Variants in MAN2A1 observed in about 807,000 individuals in gnomAD.
The protein encoded by MAN2A1 is alpha-mannosidase 2.
A neutral mutation model predicts 142.6 loss-of-function variants in MAN2A1; 76 were observed. The observed-to-expected ratio is 0.53, with a 90% CI of 0.44 to 0.65. The LOEUF (loss-of-function observed/expected upper bound fraction) is 0.65. Among genes scored for constraint, MAN2A1 ranks in the 30% least tolerant of loss-of-function variants. The pLI is 0.00. For synonymous variants in MAN2A1, 559 were observed against 473.2 expected (o/e 1.18, Z -2.35); for missense variants, 1,311 against 1,365.1 (o/e 0.96, Z 0.62).
Position 109,764,461 on chromosome 5 carries a change from T to C in MAN2A1, c.836-3074T>C, listed in dbSNP as rs532775502. Among the ~76,000 whole-genome samples the C allele has an allele frequency of 6.1e-4, 93 of 152,306 alleles. 1 individual carries two copies. Among genetic ancestry groups the C allele is most frequent in the African/African-American group, 2.2e-3 (91 of 41,582 alleles). ...TTTATAAAATTTTGGATTTTTCTTATATTGTACTTTTTCCTAAGTTTGCCC... is the reference window on the plus strand; with the variant it reads ...TTTATAAAATTTTGGATTTTTCTTACATTGTACTTTTTCCTAAGTTTGCCC... On this transcript the variant is annotated intron_variant, in intron 5 of 21. Coordinates refer to ENST00000261483, the MANE Select transcript of MAN2A1 (RefSeq NM_002372.4).
intron 17 of MAN2A1, among the ~76,000 whole-genome samples, chr5:109,842,806 G>GTTGTTTTTTTTTTTTTTTTT (rs1755242249): frequency 8.6e-6 from 1 of 116,214 alleles, no homozygotes; most frequent in African/African-American, 3.3e-5. Context: ...TACTTATTGG[G>GTTGTTTTTTTTTTTTTTTTT]TTTTTTTTTT....
At position 109,758,463 on chromosome 5, in the gene MAN2A1, T is replaced by A. The variant is rs911154516; in HGVS notation, c.835+3007T>A. Among the ~76,000 whole-genome samples, 11 of 151,758 alleles carry A rather than the reference T, an allele frequency of 7.2e-5. No individual in the cohort carries two copies. The East Asian group carries it at 1.9e-3, about 27-fold the overall frequency. ...AGTGATTTACAAATTTATTTTCTCA[T>A]TCTGTGGTTTTTTCACTTTCTTGAA... On this transcript the variant is annotated intron_variant, in intron 5 of 21. Transcript: ENST00000261483.
chr5:109,735,757 A>G (rs930027466), intron 4 of MAN2A1, among the ~76,000 whole-genome samples: 2 of 152,104 alleles, frequency 1.3e-5, no homozygotes, highest in Non-Finnish European at 2.9e-5. Flanking sequence ...GTGCTTTGTA[A>G]TTAATTTGTT....
chr5:109,841,123 T>G (rs1245770578), intron 16 of MAN2A1, among the ~76,000 whole-genome samples: 3 of 152,202 alleles, frequency 2.0e-5, no homozygotes, highest in Non-Finnish European at 4.4e-5. Flanking sequence ...TAGAAGGTCC[T>G]GTAATATCTC....
chr5:109,692,936 A>C (rs377705612), intron 1 of MAN2A1, among the ~76,000 whole-genome samples: 2 of 152,088 alleles, frequency 1.3e-5, no homozygotes, highest in East Asian at 1.9e-4. Context: ...TCGTGCTCCT[A>C]TGAGAATCTA....
At chr5:109,790,899 A>T (rs929851152) in intron 12 of MAN2A1, among the ~76,000 whole-genome samples, 2 of 152,070 alleles carry the variant, frequency 1.3e-5, no homozygotes, top group African/African-American at 4.8e-5. Context: ...AGAAGAAAAG[A>T]TGTTCCCTTT....
In MAN2A1 at chr5:109,812,143, T is replaced by C. The variant is rs142854988; in HGVS notation, c.1944-5130T>C. On this transcript the variant is annotated intron_variant, in intron 12 of 21. Coordinates refer to ENST00000261483, the MANE Select transcript of MAN2A1 (RefSeq NM_002372.4). The stretch of plus-strand genomic sequence containing the variant: ...TTTGTGCTTGGTCTGAGCTAGGTGG[T>C]TTTCTAAACATTTTATAATTTAACA... Among the ~76,000 whole-genome samples the C allele has an allele frequency of 4.9e-3, 745 of 152,228 alleles. 7 individuals are homozygous for C. The highest frequency in any genetic ancestry group is 6.8e-3 in the Non-Finnish European group (460 of 68,006).
At chr5:109,694,138 CTTT>C (rs1582792490) in intron 1 of MAN2A1, among the ~76,000 whole-genome samples, 1 of 152,086 alleles carries the variant, frequency 6.6e-6, no homozygotes, top group African/African-American at 2.4e-5. Flanking sequence ...CAAATGATCA[CTTT>C]TTAAGTAATT....
chr5:109,859,519 G>C (rs1466451748), intron 20 of MAN2A1, among the ~76,000 whole-genome samples: 1 of 151,998 alleles, frequency 6.6e-6, no homozygotes, highest in Non-Finnish European at 1.5e-5. Flanking sequence ...TTCCTATTCT[G>C]TTGGCCTGTC....
chr5:109,803,282 A>G (rs1399662469), intron 12 of MAN2A1, among the ~76,000 whole-genome samples: 2 of 152,102 alleles, frequency 1.3e-5, no homozygotes, highest in African/African-American at 2.4e-5. Context: ...AAGGCAGAGT[A>G]GCTTAATGTT....
intron 3 of MAN2A1, among the ~76,000 whole-genome samples, chr5:109,723,754 C>T (rs2112575735): frequency 6.6e-6 from 1 of 152,168 alleles, no homozygotes; most frequent in East Asian, 1.9e-4. Flanking sequence ...GCATCATGTA[C>T]CCTGCAATGC....
chr5:109,850,144 A>G (rs1755447714), intron 19 of MAN2A1, among the ~76,000 whole-genome samples: 1 of 152,144 alleles, frequency 6.6e-6, no homozygotes, highest in South Asian at 2.1e-4. Context: ...CATAAACTCC[A>G]TGAGAGTGGG....
intron 1 of MAN2A1, among the ~76,000 whole-genome samples, chr5:109,701,918 G>A (rs1750994774): frequency 6.6e-6 from 1 of 152,164 alleles, no homozygotes; most frequent in Non-Finnish European, 1.5e-5. Flanking sequence ...TTATGATGAC[G>A]TGGATGTTAG....
chr5:109,767,597 C>G lies in MAN2A1; in HGVS notation c.898C>G (p.Leu300Val), dbSNP rs370518564. ...PFGHSPTMAYLLNRAGLSHML... is the reference protein window; with the variant it reads ...PFGHSPTMAYVLNRAGLSHML... ...TGGACACTCACCAACAATGGCTTAT[C>G]TTCTAAACCGTGCTGGACTTTCTCA... Residue 300 changes from leucine to valine, a missense_variant, in exon 6 of 22, where the codon CTT becomes GTT. Leu to Val is a conservative substitution (Grantham distance 32, BLOSUM62 1). Coordinates refer to ENST00000261483, the MANE Select transcript of MAN2A1 (RefSeq NM_002372.4). The G allele has an allele frequency of 2.2e-5, 36 of 1,613,682 alleles. No homozygotes were observed. In the African/African-American group the frequency reaches 3.5e-4, roughly 16 times the overall value.
At chr5:109,835,695 G>T (rs1451953578) in intron 16 of MAN2A1, among the ~76,000 whole-genome samples, 3 of 152,134 alleles carry the variant, frequency 2.0e-5, no homozygotes, top group African/African-American at 7.2e-5. Context: ...TTTTTCCCAA[G>T]TTGTTGCCTC....
At chr5:109,733,860 G>A (rs1752000721) in intron 4 of MAN2A1, among the ~76,000 whole-genome samples, 2 of 152,104 alleles carry the variant, frequency 1.3e-5, no homozygotes, top group Non-Finnish European at 1.5e-5. Flanking sequence ...TTGGTATCAG[G>A]ATGATGCTGG....
chr5:109,854,432 C>T (rs1755556417), intron 19 of MAN2A1: 1 of 152,066 alleles, frequency 6.6e-6, no homozygotes, highest in Admixed American at 6.6e-5. Context: ...TAATCATATA[C>T]TATGTAAGTG....
chr5:109,838,274 G>C (rs895393402), intron 16 of MAN2A1, among the ~76,000 whole-genome samples: 1 of 152,136 alleles, frequency 6.6e-6, no homozygotes, highest in African/African-American at 2.4e-5. Context: ...TTAGCAGCAA[G>C]AGGGCACATA....
chr5:109,779,669 C>T (rs1161803155), intron 8 of MAN2A1, among the ~76,000 whole-genome samples: 1 of 151,974 alleles, frequency 6.6e-6, no homozygotes, highest in Non-Finnish European at 1.5e-5. Context: ...GTATTATTTG[C>T]TGTAAATTGC....
Sources: allele counts gnomAD v4.1 joint callset (sites outside exome capture counted in the v4.1 genomes callset), GRCh38; gene constraint gnomAD v4.1.1; transcripts MANE v1.5; gene names NCBI Gene and HGNC (gene_info 2026-07-23, HGNC 2026-07-21).